Variants in PCDH7 observed in about 807,000 individuals in gnomAD.
PCDH7 encodes protocadherin-7.
PCDH7 carries 17 observed loss-of-function variants against 58.9 expected under a neutral mutation model. That is an observed-to-expected ratio of 0.29 (90% CI 0.20 to 0.43). PCDH7 has a LOEUF of 0.43. PCDH7 is among the 20% of genes least tolerant of loss of function. The probability of loss-of-function intolerance (pLI) is 1.00; values close to 1 mark genes in which losing one functional copy is unlikely to be tolerated. For missense variants in PCDH7, 1,274 were observed against 1,441.0 expected (o/e 0.88, Z 1.88); for synonymous variants, 664 against 616.4 (o/e 1.08, Z -1.14).
chr4:30,936,697 C>A (rs549302139), intron 2 of PCDH7, among the ~76,000 whole-genome samples: 22 of 151,758 alleles, frequency 1.4e-4, no homozygotes, highest in Non-Finnish European at 1.8e-4. Flanking sequence ...TAAATTGTAG[C>A]TTTGATGTTG....
At chr4:31,100,301 A>G (rs927688456) in intron 3 of PCDH7, among the ~76,000 whole-genome samples, 12 of 152,214 alleles carry the variant, frequency 7.9e-5, no homozygotes, top group African/African-American at 2.9e-4. Context: ...GGAGAAAACC[A>G]GTGAGAGATT....
At chr4:31,135,493 G>A (rs985373072) in intron 3 of PCDH7, among the ~76,000 whole-genome samples, 1 of 152,106 alleles carries the variant, frequency 6.6e-6, no homozygotes, top group Admixed American at 6.6e-5. Flanking sequence ...GTAGCTCTGT[G>A]TATCACAGAC....
intron 1 of PCDH7, among the ~76,000 whole-genome samples, chr4:30,780,520 A>T (rs1722638072): frequency 6.6e-6 from 1 of 152,086 alleles, no homozygotes; most frequent in Non-Finnish European, 1.5e-5. Context: ...GAAAAAAAAA[A>T]AAAAGCAAGA....
At chr4:30,997,366 T>A (rs10021544) in intron 3 of PCDH7, among the ~76,000 whole-genome samples, 112,231 of 152,082 alleles carry the variant, frequency 0.74, 42,654 homozygotes, top group African/African-American at 0.93. Flanking sequence ...CAGTTGGATG[T>A]TATTTTTGTT....
chr4:30,964,944 G>C (rs1045590571), intron 3 of PCDH7, among the ~76,000 whole-genome samples: 1 of 152,114 alleles, frequency 6.6e-6, no homozygotes, highest in African/African-American at 2.4e-5. Flanking sequence ...CAGAGTTATT[G>C]CTGTAAGTTT....
At position 30,722,416 on chromosome 4, in the gene PCDH7, G is replaced by T. The variant is rs1326192816; in HGVS notation, c.994G>T (p.Ala332Ser). The change falls in exon 1 of 2, where the codon GCA (alanine) becomes TCA (serine). Residue 332 changes from alanine to serine, a missense_variant. Coordinates refer to ENST00000361762, the Ensembl canonical transcript of PCDH7. The surrounding 1 kb of genome is among the most constrained non-coding windows in gnomAD (Gnocchi z 7.6). The stretch of plus-strand genomic sequence containing the variant: ...GGGGACCCCCATCCTGCAACTGCGC[G>T]CAGCCGACTTGGACGTGGGGGTCAA... The T allele has an allele frequency of 5.6e-6, 9 of 1,612,466 alleles. No homozygotes were observed. In the Admixed American group the frequency reaches 1.3e-4, roughly 24 times the overall value.
At position 31,135,156 on chromosome 4, in the gene PCDH7, A is replaced by G. The variant is rs772740007; in HGVS notation, c.*8-7317A>G. Reference sequence around the variant, plus strand: ...TTAGGTTGTCTTGTCCTGATTTTCAATTTCTCATTCTTAAAATAATGTATT... The same window carrying G: ...TTAGGTTGTCTTGTCCTGATTTTCAGTTTCTCATTCTTAAAATAATGTATT... On this transcript the variant is annotated intron_variant, in intron 3 of 3. Coordinates refer to the PCDH7 transcript ENST00000509759. 9.9e-4 allele frequency among the ~76,000 whole-genome samples: 150 copies of G among 152,172 alleles called. 1 individual carries two copies. Among genetic ancestry groups the G allele is most frequent in the Middle Eastern group, 3.4e-3 (1 of 294 alleles).
At chr4:31,047,318 T>A (rs528198881) in intron 3 of PCDH7, among the ~76,000 whole-genome samples, 2 of 152,098 alleles carry the variant, frequency 1.3e-5, no homozygotes, top group Non-Finnish European at 2.9e-5. Flanking sequence ...TATAGCATGA[T>A]TGACAATTTG....
At chr4:30,840,288 G>A (rs914534383) in intron 1 of PCDH7, among the ~76,000 whole-genome samples, 12 of 151,936 alleles carry the variant, frequency 7.9e-5, no homozygotes, top group African/African-American at 2.4e-4. Context: ...TTGCTCTGTC[G>A]GATGTCCTTA....
At chr4:30,848,127 C>T (rs958691438) in intron 1 of PCDH7, among the ~76,000 whole-genome samples, 20 of 152,072 alleles carry the variant, frequency 1.3e-4, no homozygotes, top group African/African-American at 4.8e-4. Flanking sequence ...CAAGTTTATG[C>T]AGTTGTGCAA....
chr4:30,919,222 GT>G (rs1163008702), intron 1 of PCDH7, among the ~76,000 whole-genome samples: 3 of 87,200 alleles, frequency 3.4e-5, no homozygotes, highest in Non-Finnish European at 6.5e-5. Flanking sequence ...ATTTTTATAT[GT>G]TTTTCCAAAT....
downstream of PCDH7, among the ~76,000 whole-genome samples, chr4:30,735,190 C>G (rs1378337280): frequency 6.6e-6 from 1 of 152,096 alleles, no homozygotes; most frequent in African/African-American, 2.4e-5. Flanking sequence ...ATATCATTAT[C>G]TGGAGAAGAT....
chr4:30,993,089 G>A (rs912399803), intron 3 of PCDH7, among the ~76,000 whole-genome samples: 4 of 152,118 alleles, frequency 2.6e-5, no homozygotes, highest in Non-Finnish European at 5.9e-5. Context: ...GTGAGCCACC[G>A]TGCCCGGCCT....
intron 1 of PCDH7, among the ~76,000 whole-genome samples, chr4:30,853,123 G>A (rs12510938): frequency 1.3e-5 from 2 of 152,138 alleles, no homozygotes; most frequent in Non-Finnish European, 2.9e-5. Context: ...TTCTGGCTTA[G>A]AAAGTGAGAA....
chr4:31,027,661 A>G (rs947971608), intron 3 of PCDH7, among the ~76,000 whole-genome samples: 2 of 152,074 alleles, frequency 1.3e-5, no homozygotes, highest in Non-Finnish European at 2.9e-5. Flanking sequence ...GACCTCATGT[A>G]CCGCCCACCT....
chr4:30,866,183 A>G (rs184288321), intron 1 of PCDH7, among the ~76,000 whole-genome samples: 25 of 152,156 alleles, frequency 1.6e-4, no homozygotes, highest in African/African-American at 5.3e-4. Flanking sequence ...GCAAAATTTT[A>G]AAAAAGCTGG....
At chr4:30,908,575 T>G (rs7665348) in intron 1 of PCDH7, among the ~76,000 whole-genome samples, 25 of 151,876 alleles carry the variant, frequency 1.6e-4, no homozygotes, top group Admixed American at 6.6e-5. Context: ...ACTCCCAAGA[T>G]TAAACCAGGA....
At chr4:30,943,161 C>G (rs1746262244) in intron 2 of PCDH7, among the ~76,000 whole-genome samples, 1 of 151,942 alleles carries the variant, frequency 6.6e-6, no homozygotes, top group Non-Finnish European at 1.5e-5. Flanking sequence ...ACCTCCATAT[C>G]AATTCTGCTT....
intron 1 of PCDH7, among the ~76,000 whole-genome samples, chr4:30,820,725 G>A (rs559247844): frequency 9.9e-5 from 15 of 151,552 alleles, no homozygotes; most frequent in Non-Finnish European, 1.8e-4. Flanking sequence ...AATGGGGAGG[G>A]GGACATGTTT....
Sources: gnomAD v4.1 joint callset for allele counts (sites outside exome capture counted in the v4.1 genomes callset) on GRCh38, gnomAD v4.1.1 for gene constraint, Gnocchi (gnomAD v3.1) non-coding constraint, MANE v1.5 for transcripts, NCBI Gene and HGNC (gene_info 2026-07-23, HGNC 2026-07-21) for gene names.